FBXL17: variants seen among roughly 807,000 people sequenced by gnomAD.
FBXL17 encodes F-box and leucine rich repeat protein 17.
In FBXL17, 22 loss-of-function variants were observed where a neutral mutation model predicts 66.2. The ratio of observed to expected loss-of-function variants is 0.33; its 90% confidence interval spans 0.24 to 0.47. The LOEUF is 0.47. Ranked by LOEUF, FBXL17 falls within the 20% of genes least tolerant of loss-of-function variation. The probability of loss-of-function intolerance (pLI) is 1.00; values close to 1 mark genes in which losing one functional copy is unlikely to be tolerated. For missense variants in FBXL17, 878 were observed against 948.2 expected, an observed-to-expected ratio of 0.93 and a Z score of 0.97; for synonymous variants, 474 against 400.5, an observed-to-expected ratio of 1.18 and a Z score of -2.19.
In FBXL17 at chr5:108,186,145, G is replaced by C; in HGVS notation, c.1717C>G (p.Leu573Val). Residue 573 changes from leucine to valine, a missense_variant, in exon 6 of 9, where the codon CTC becomes GTC. Physicochemically the swap from Leu to Val is conservative, Grantham distance 32. This residue lies in a region of FBXL17 where 236 missense variants were observed against 389.1 expected (regional missense o/e 0.61). Coordinates refer to ENST00000542267, the MANE Select transcript of FBXL17 (RefSeq NM_001163315.3). ...TCATTTATGATCCAGTTCAGACAGA[G>C]ATTGAGAGAGCTAAGATTTTTGCAC... ...KRCKNLSSLN[L>V]CLNWIINDRC... 1 of 1,612,258 alleles carries C rather than the reference G, an allele frequency of 6.2e-7. No homozygotes were observed. Among genetic ancestry groups the C allele is most frequent in the Non-Finnish European group, 8.5e-7 (1 of 1,178,470 alleles).
At chr5:108,004,540 A>G (rs1753853940) in intron 7 of FBXL17, among the ~76,000 whole-genome samples, 1 of 152,180 alleles carries the variant, frequency 6.6e-6, no homozygotes, top group Non-Finnish European at 1.5e-5. Flanking sequence ...TGGTTGTCTC[A>G]CAGAAAAGTT....
intron 7 of FBXL17, among the ~76,000 whole-genome samples, chr5:107,881,654 T>C (rs1748797109): frequency 1.3e-5 from 2 of 152,230 alleles, no homozygotes; most frequent in Admixed American, 1.3e-4. Flanking sequence ...GTTCATGACC[T>C]GTAAAATGTA....
intron 7 of FBXL17, among the ~76,000 whole-genome samples, chr5:108,007,873 T>C (rs912051026): frequency 6.6e-6 from 1 of 152,150 alleles, no homozygotes; most frequent in Non-Finnish European, 1.5e-5. Flanking sequence ...TGGTGTCCTA[T>C]TTGTCCTCAA....
chr5:107,907,708 T>TG (rs1749811778), intron 7 of FBXL17, among the ~76,000 whole-genome samples: 1 of 152,146 alleles, frequency 6.6e-6, no homozygotes, highest in Non-Finnish European at 1.5e-5. Context: ...TCACCATCAC[T>TG]GGCCATCAGA....
At chr5:108,108,047 A>G (rs1415502491) in intron 6 of FBXL17, among the ~76,000 whole-genome samples, 2 of 151,964 alleles carry the variant, frequency 1.3e-5, no homozygotes, top group East Asian at 3.9e-4. Flanking sequence ...TCTCAAACAC[A>G]CTAGTGTGTT....
At chr5:108,037,300 ATTTACC>A (rs1443916359) in intron 6 of FBXL17, among the ~76,000 whole-genome samples, 3 of 152,324 alleles carry the variant, frequency 2.0e-5, no homozygotes, top group Non-Finnish European at 4.4e-5. Context: ...GAAAAGAAAC[ATTTACC>A]TAAGGGAGGT....
chr5:108,158,932 A>G (rs2150004606), intron 6 of FBXL17, among the ~76,000 whole-genome samples: 1 of 152,256 alleles, frequency 6.6e-6, no homozygotes, highest in Admixed American at 6.5e-5. Flanking sequence ...TGTAGAAGAT[A>G]CCAGAAGAGA....
At chr5:108,006,579 G>A (rs574640493) in intron 7 of FBXL17, among the ~76,000 whole-genome samples, 3 of 152,324 alleles carry the variant, frequency 2.0e-5, no homozygotes, top group Admixed American at 6.5e-5. Context: ...CTACTGAAAA[G>A]GAAGTACTTA....
At chr5:108,186,775 G>GAA (rs374009151) in intron 5 of FBXL17, among the ~76,000 whole-genome samples, 2 of 83,146 alleles carry the variant, frequency 2.4e-5, no homozygotes, top group Non-Finnish European at 5.1e-5. Context: ...ATCAAAAAAA[G>GAA]AAAAAAAAAA....
chr5:107,895,015 C>T (rs1287519399), intron 7 of FBXL17, among the ~76,000 whole-genome samples: 1 of 152,024 alleles, frequency 6.6e-6, no homozygotes, highest in African/African-American at 2.4e-5. Flanking sequence ...TTCCCTCTTC[C>T]TCCTTTTATT....
intron 4 of FBXL17, among the ~76,000 whole-genome samples, chr5:108,309,088 C>T (rs1758991861): frequency 6.6e-6 from 1 of 151,892 alleles, no homozygotes; most frequent in Admixed American, 6.6e-5. Context: ...TCAGAAACAA[C>T]CTAAATATGA....
intron 5 of FBXL17, among the ~76,000 whole-genome samples, chr5:108,202,014 T>C (rs1304208202): frequency 6.6e-6 from 1 of 152,082 alleles, no homozygotes; most frequent in East Asian, 1.9e-4. Context: ...TGATAAACAT[T>C]CAGAGTGGAC....
At chr5:107,903,948 C>T (rs1042322720) in intron 7 of FBXL17, among the ~76,000 whole-genome samples, 11 of 152,112 alleles carry the variant, frequency 7.2e-5, no homozygotes, top group African/African-American at 1.9e-4. Context: ...ATTGATTATA[C>T]GATCCAAGTA....
At chr5:108,063,653 A>G (rs908082743) in intron 6 of FBXL17, among the ~76,000 whole-genome samples, 1 of 152,218 alleles carries the variant, frequency 6.6e-6, no homozygotes, top group South Asian at 2.1e-4. Flanking sequence ...TCATATATAC[A>G]TTCATTAAAA....
chr5:108,055,281 A>G (rs867181997), intron 6 of FBXL17, among the ~76,000 whole-genome samples: 712 of 34,340 alleles, frequency 0.021, 13 homozygotes, highest in African/African-American at 0.088. Flanking sequence ...GAATTTTTAG[A>G]AAAAAAAAAA....
At chr5:108,359,803 T>A (rs987632056) in intron 3 of FBXL17, among the ~76,000 whole-genome samples, 2 of 152,140 alleles carry the variant, frequency 1.3e-5, no homozygotes, top group African/African-American at 4.8e-5. Flanking sequence ...ATCTGCTAGG[T>A]GCAGTGGGTT....
At chr5:108,137,896 C>T (rs774328126) in intron 6 of FBXL17, among the ~76,000 whole-genome samples, 33 of 152,090 alleles carry the variant, frequency 2.2e-4, no homozygotes, top group Non-Finnish European at 4.6e-4. Flanking sequence ...CCTAGACTAT[C>T]GATAATCTGG....
intron 5 of FBXL17, among the ~76,000 whole-genome samples, chr5:108,209,576 T>C (rs945457334): frequency 6.6e-6 from 1 of 152,244 alleles, no homozygotes; most frequent in Non-Finnish European, 1.5e-5. Context: ...ATCATGTGTT[T>C]TCTGTCATTG....
chr5:107,956,850 G>A (rs1751683016), intron 7 of FBXL17, among the ~76,000 whole-genome samples: 4 of 152,112 alleles, frequency 2.6e-5, no homozygotes, highest in African/African-American at 7.2e-5. Flanking sequence ...GGGCAGAAGA[G>A]AGAATACTTA....
Sources: allele counts gnomAD v4.1 joint callset (sites outside exome capture counted in the v4.1 genomes callset), GRCh38; gene constraint gnomAD v4.1.1; regional missense constraint gnomAD v4.1.1; transcripts MANE v1.5; gene names NCBI Gene and HGNC (gene_info 2026-07-23, HGNC 2026-07-21).